Variants in GALNS observed in about 807,000 individuals in gnomAD.
GALNS encodes the protein N-acetylgalactosamine-6-sulfatase.
GALNS carries 65 observed loss-of-function variants against 65.9 expected under a neutral mutation model. The ratio of observed to expected loss-of-function variants is 0.99; its 90% CI spans 0.81 to 1.21. GALNS has a LOEUF of 1.21. Among genes scored for constraint, GALNS ranks in the 50% most tolerant of loss-of-function variants. The probability of loss-of-function intolerance (pLI) is 0.00; values close to 1 mark genes in which losing one functional copy is unlikely to be tolerated. For synonymous variants in GALNS, 346 were observed against 288.9 expected (o/e 1.20, Z -2.00); for missense variants, 776 against 700.7 (o/e 1.11, Z -1.21).
chr16:88,829,848 C>T (rs1253763666), intron 9 of GALNS, among the ~76,000 whole-genome samples: 2 of 152,220 alleles, frequency 1.3e-5, no homozygotes, highest in Non-Finnish European at 2.9e-5. Context: ...GCGGCAGACA[C>T]AACGCAGGCC....
chr16:88,815,428 C>T (rs1007994574), intron 13 of GALNS: 22 of 985,380 alleles, frequency 2.2e-5, no homozygotes, highest in African/African-American at 3.5e-5. Context: ...GGGCTCAGTT[C>T]AGTGCGGTGC....
At chr16:88,834,239 T>G (rs545065872) in intron 8 of GALNS, among the ~76,000 whole-genome samples, 142 of 152,382 alleles carry the variant, frequency 9.3e-4, no homozygotes, top group Non-Finnish European at 1.7e-3. Flanking sequence ...TTTCTATCAC[T>G]TGAAACTCTG....
chr16:88,839,614 G>C (rs1028667539), intron 4 of GALNS, among the ~76,000 whole-genome samples: 10 of 151,790 alleles, frequency 6.6e-5, no homozygotes, highest in African/African-American at 2.4e-4. Flanking sequence ...ACTGCCCTGA[G>C]AGGGGACCCT....
At chr16:88,848,506 G>A (rs946278167) in intron 1 of GALNS, among the ~76,000 whole-genome samples, 1 of 151,152 alleles carries the variant, frequency 6.6e-6, no homozygotes, top group Non-Finnish European at 1.5e-5. Context: ...GGTTGCAGGC[G>A]CCTGTGGTCC....
In GALNS at chr16:88,834,356, GCCC is replaced by G. The variant is rs368259655; in HGVS notation, c.898+854_898+856del. ...ACGTGGTCTGGGAAGAGGCTGCAGGGCCCCCCCCCGCGTGGTCTGGGAAGAGGC... is the reference window on the plus strand; with the variant it reads ...ACGTGGTCTGGGAAGAGGCTGCAGGGCCCCCCGCGTGGTCTGGGAAGAGGC... On this transcript the variant is annotated intron_variant, in intron 8 of 13. Coordinates refer to ENST00000268695, the MANE Select transcript of GALNS (RefSeq NM_000512.5). 6.8e-4 allele frequency among the ~76,000 whole-genome samples: 72 copies of G among 106,440 alleles called. 1 individual carries two copies. The highest frequency in any genetic ancestry group is 2.4e-3 in the African/African-American group (64 of 26,574). 69.8% of individuals were successfully genotyped at this position (106,440 alleles called of 152,430 possible).
At chr16:88,855,715 C>T in intron 1 of GALNS, 1 of 585,784 alleles carries the variant, frequency 1.7e-6, no homozygotes, top group South Asian at 2.1e-5. Flanking sequence ...TCTTCTAAAT[C>T]TGTGTATTTT....
At chr16:88,816,404 G>GA (rs1279564795) in intron 13 of GALNS, 1 of 985,340 alleles carries the variant, frequency 1.0e-6, no homozygotes, top group African/African-American at 1.7e-5. Context: ...CAGGGGTCCT[G>GA]AGACAGGGAC....
chr16:88,855,031 G>T, intron 1 of GALNS: 1 of 339,628 alleles, frequency 2.9e-6, no homozygotes, highest in Non-Finnish European at 5.8e-6. Context: ...CACCCTGCAC[G>T]GCCTGAACCC....
intron 9 of GALNS, among the ~76,000 whole-genome samples, chr16:88,828,529 C>T (rs554057876): frequency 3.9e-5 from 6 of 152,342 alleles, no homozygotes; most frequent in Non-Finnish European, 5.9e-5. Context: ...GAAACCCCGT[C>T]GTGGTGTCCT....
chr16:88,843,089 T>C, intron 1 of GALNS: 2 of 1,497,962 alleles, frequency 1.3e-6, no homozygotes, highest in South Asian at 2.4e-5. Flanking sequence ...CACGCTGTCT[T>C]TCGCCTCCAC....
intron 11 of GALNS, 133 bp from the exon 12 acceptor site, chr16:88,822,843 A>C: frequency 3.7e-6 from 5 of 1,345,718 alleles, no homozygotes; most frequent in Non-Finnish European, 5.1e-6. Flanking sequence ...GGAGCCCCTA[A>C]CTGGGGGCCG....
intron 4 of GALNS, 170 bp downstream of exon 4, chr16:88,840,822 A>T: frequency 1.5e-6 from 1 of 664,866 alleles, no homozygotes; most frequent in Admixed American, 2.2e-5. Context: ...TGGCAAGGTC[A>T]CGCTGGCCTG....
chr16:88,856,391 G>A (rs1264907099), intron 1 of GALNS: 9 of 701,862 alleles, frequency 1.3e-5, no homozygotes, highest in African/African-American at 5.2e-5. Flanking sequence ...TTTCCCAAGA[G>A]TAGAGGGCGG....
chr16:88,850,257 C>T (rs909027097), intron 1 of GALNS, among the ~76,000 whole-genome samples: 9 of 152,154 alleles, frequency 5.9e-5, no homozygotes, highest in Non-Finnish European at 1.0e-4. Context: ...GGAGTGAGGC[C>T]GCACATCTGA....
chr16:88,816,236 CCACT>C, intron 13 of GALNS: 1 of 985,446 alleles, frequency 1.0e-6, no homozygotes. Context: ...TGCCCTGTGC[CCACT>C]GTCTCCATGG....
intron 3 of GALNS, 84 bp from the exon 4 acceptor site, chr16:88,841,178 G>A (rs970665359): frequency 1.1e-4 from 111 of 1,035,006 alleles, no homozygotes; most frequent in Non-Finnish European, 8.9e-5. Flanking sequence ...TGGGGGCTGC[G>A]TCCACACATC....
chr16:88,842,317 A>T, intron 2 of GALNS: 1 of 512,152 alleles, frequency 2.0e-6, no homozygotes, highest in Admixed American at 3.2e-5. Context: ...CTTCCTCACG[A>T]TCAACACCAC....
intron 1 of GALNS, among the ~76,000 whole-genome samples, chr16:88,851,862 G>C (rs542922759): frequency 1.3e-5 from 2 of 152,226 alleles, no homozygotes; most frequent in Admixed American, 1.3e-4. Flanking sequence ...AGGGAAGCTC[G>C]AACCGGGCAG....
At chr16:88,826,583 C>G in intron 10 of GALNS, 119 bp downstream of exon 10, 2 of 1,257,550 alleles carry the variant, frequency 1.6e-6, no homozygotes, top group Non-Finnish European at 2.2e-6. Flanking sequence ...GCCCTGGGCA[C>G]GAGCACGCCT....
Sources: gnomAD v4.1 joint callset for allele counts (sites outside exome capture counted in the v4.1 genomes callset) on GRCh38, gnomAD v4.1.1 for gene constraint, MANE v1.5 for transcripts, NCBI Gene and HGNC (gene_info 2026-07-23, HGNC 2026-07-21) for gene names.